PAPPA2: variants seen among roughly 807,000 people sequenced by gnomAD.
PAPPA2 encodes the protein pappalysin-2.
In PAPPA2, 86 loss-of-function variants were observed where a neutral mutation model predicts 176.4. That is an observed-to-expected ratio of 0.49 (90% CI 0.41 to 0.58). The LOEUF is 0.58. PAPPA2 is among the 20% of genes least tolerant of loss of function. PAPPA2 has a pLI of 0.00. For missense variants in PAPPA2, 2,073 were observed against 2,256.9 expected (o/e 0.92, Z 1.65); for synonymous variants, 809 against 852.2 (o/e 0.95, Z 0.88).
chr1:176,773,159 C>A (rs984080625), intron 17 of PAPPA2, among the ~76,000 whole-genome samples: 1 of 152,102 alleles, frequency 6.6e-6, no homozygotes, highest in Admixed American at 6.6e-5. Context: ...TGGGCTTAAA[C>A]GTTGACATTC....
At chr1:176,694,219 C>A (rs972693885) in intron 6 of PAPPA2, among the ~76,000 whole-genome samples, 4 of 152,186 alleles carry the variant, frequency 2.6e-5, no homozygotes, top group East Asian at 3.9e-4. Context: ...GAGGAATGAG[C>A]TTTGGAGTTT....
intron 12 of PAPPA2, among the ~76,000 whole-genome samples, chr1:176,733,365 C>T (rs1662249480): frequency 6.6e-6 from 1 of 152,124 alleles, no homozygotes. Flanking sequence ...CCTGCAAAAG[C>T]ACAGATGACT....
intron 1 of PAPPA2, among the ~76,000 whole-genome samples, chr1:176,488,425 G>T (rs1389870571): frequency 6.6e-6 from 1 of 152,048 alleles, no homozygotes; most frequent in Non-Finnish European, 1.5e-5. Context: ...GGAGCCTCTG[G>T]AAGCAGAGTG....
chr1:176,506,467 T>A (rs1472803001), intron 1 of PAPPA2, among the ~76,000 whole-genome samples: 3 of 152,106 alleles, frequency 2.0e-5, no homozygotes, highest in Non-Finnish European at 4.4e-5. Flanking sequence ...AATGATATTG[T>A]TTCTTCCAAT....
chr1:176,780,859 G>T (rs147761900), intron 17 of PAPPA2, among the ~76,000 whole-genome samples: 101 of 152,230 alleles, frequency 6.6e-4, no homozygotes, highest in Non-Finnish European at 1.2e-3. Flanking sequence ...GAATTTTGGT[G>T]TAATTTCCAG....
intron 2 of PAPPA2, among the ~76,000 whole-genome samples, chr1:176,562,109 G>A (rs988942102): frequency 6.6e-6 from 1 of 152,186 alleles, no homozygotes; most frequent in Non-Finnish European, 1.5e-5. Context: ...TTTGGGTGGG[G>A]ACAGAGTCAA....
chr1:176,637,310 C>CT (rs1181065322), intron 3 of PAPPA2, among the ~76,000 whole-genome samples: 3 of 152,156 alleles, frequency 2.0e-5, no homozygotes, highest in Non-Finnish European at 4.4e-5. Context: ...TGAGCAGAGA[C>CT]TGGCATGACC....
At chr1:176,590,819 T>C (rs964946669) in intron 2 of PAPPA2, among the ~76,000 whole-genome samples, 1 of 152,136 alleles carries the variant, frequency 6.6e-6, no homozygotes, top group Admixed American at 6.6e-5. Flanking sequence ...TTTCCCAGCA[T>C]AGGTTTTGTA....
intron 12 of PAPPA2, among the ~76,000 whole-genome samples, chr1:176,734,030 C>T (rs1361695485): frequency 6.6e-6 from 1 of 152,088 alleles, no homozygotes; most frequent in Non-Finnish European, 1.5e-5. Context: ...TTTTTCCCCC[C>T]TCTGAGGGCA....
intron 5 of PAPPA2, among the ~76,000 whole-genome samples, chr1:176,691,774 T>G (rs957461921): frequency 6.6e-6 from 1 of 152,218 alleles, no homozygotes; most frequent in Non-Finnish European, 1.5e-5. Flanking sequence ...AGCAGGTGTC[T>G]GAAACTCCAC....
At chr1:176,539,667 A>G (rs1032665480) in intron 1 of PAPPA2, among the ~76,000 whole-genome samples, 5 of 152,066 alleles carry the variant, frequency 3.3e-5, no homozygotes, top group Non-Finnish European at 7.4e-5. Context: ...GCATATGAGT[A>G]GGAGATTTGT....
chr1:176,783,954 T>C (rs1218467269), intron 17 of PAPPA2, among the ~76,000 whole-genome samples: 2 of 152,200 alleles, frequency 1.3e-5, no homozygotes, highest in Non-Finnish European at 2.9e-5. Flanking sequence ...GGCTTCTACA[T>C]AATTCTGATG....
chr1:176,710,887 C>A (rs950409342), intron 11 of PAPPA2, among the ~76,000 whole-genome samples: 4 of 152,130 alleles, frequency 2.6e-5, no homozygotes, highest in African/African-American at 9.7e-5. Context: ...GACCCAGGGT[C>A]TCCTAGATTC....
chr1:176,615,501 G>A (rs909153677), intron 3 of PAPPA2, among the ~76,000 whole-genome samples: 2 of 151,490 alleles, frequency 1.3e-5, no homozygotes, highest in South Asian at 2.1e-4. Flanking sequence ...TTTCTTTTTT[G>A]TATTTTTAGT....
chr1:176,641,394 A>G (rs1657079732), intron 3 of PAPPA2, among the ~76,000 whole-genome samples: 1 of 151,620 alleles, frequency 6.6e-6, no homozygotes, highest in Admixed American at 6.6e-5. Context: ...ATCCAGTTTC[A>G]GCTTTCTACA....
chr1:176,695,031 G>A (rs1379147680), intron 6 of PAPPA2, among the ~76,000 whole-genome samples: 1 of 152,180 alleles, frequency 6.6e-6, no homozygotes, highest in Non-Finnish European at 1.5e-5. Context: ...GTAAGTAGGA[G>A]TTTGCTAAAC....
intron 1 of PAPPA2, among the ~76,000 whole-genome samples, chr1:176,497,927 CCTA>C (rs751441795): frequency 5.3e-5 from 8 of 152,168 alleles, no homozygotes; most frequent in Non-Finnish European, 7.3e-5. Context: ...TGCATCTTTC[CCTA>C]CAGAAAAGAC....
chr1:176,816,253 A>ATATATC, intron 21 of PAPPA2, among the ~76,000 whole-genome samples: 1 of 138,144 alleles, frequency 7.2e-6, no homozygotes, highest in East Asian at 2.1e-4. Flanking sequence ...ATATATATAT[A>ATATATC]TATGTATGTA....
In PAPPA2 at chr1:176,844,037, A is replaced by G. The variant is rs1377836881; in HGVS notation, c.*1583A>G. The G allele has an allele frequency of 2.0e-5, 3 of 152,136 alleles. No individual in the cohort carries two copies. The highest frequency in any genetic ancestry group is 7.2e-5 in the African/African-American group (3 of 41,434). 9.4% of individuals were successfully genotyped at this position (152,136 alleles called of 1,614,324 possible). A position where few individuals can be genotyped will look rare whatever the true frequency, so the allele number is the denominator to read the frequency against. On this transcript the variant is annotated 3_prime_UTR_variant, in exon 23 of 23. Transcript: ENST00000367662. ...TTAAGCCTCTCTCTATTTACATCCC[A>G]GGCTCACTGGGATGTGATCTACTGC...
Sources: allele counts gnomAD v4.1 joint callset (sites outside exome capture counted in the v4.1 genomes callset), GRCh38; gene constraint gnomAD v4.1.1; transcripts MANE v1.5; gene names NCBI Gene and HGNC (gene_info 2026-07-23, HGNC 2026-07-21).